BLMH: variants seen among roughly 807,000 people sequenced by gnomAD.
BLMH encodes the protein bleomycin hydrolase.
Under a neutral mutation model 61.6 loss-of-function variants are expected in BLMH, and 32 were observed. The ratio of observed to expected loss-of-function variants is 0.52; its 90% CI spans 0.39 to 0.70. The LOEUF is 0.70. Among genes scored for constraint, BLMH ranks in the 30% least tolerant of loss-of-function variants. BLMH has a pLI of 0.00. For synonymous variants in BLMH, 183 were observed against 193.8 expected (o/e 0.94, Z 0.46); for missense variants, 460 against 555.5 (o/e 0.83, Z 1.73).
intron 11 of BLMH, among the ~76,000 whole-genome samples, chr17:30,251,916 T>A (rs1907676550): frequency 6.6e-6 from 1 of 152,120 alleles, no homozygotes; most frequent in African/African-American, 2.4e-5. Context: ...AAAATAAGTA[T>A]GAAAAATGAA....
intron 2 of BLMH, 87 bp downstream of exon 2, chr17:30,291,224 G>A (rs1344217287): frequency 6.8e-7 from 1 of 1,473,178 alleles, no homozygotes; most frequent in Admixed American, 1.8e-5. Context: ...CTTTCAGTAC[G>A]AATTTAAGAC....
intron 11 of BLMH, among the ~76,000 whole-genome samples, chr17:30,260,462 C>A (rs143498983): frequency 2.0e-5 from 3 of 152,212 alleles, no homozygotes. Flanking sequence ...CTCTTAGTCA[C>A]ACACTTTGAT....
chr17:30,273,165 A>AT (rs35833844), intron 7 of BLMH: 10,298 of 193,386 alleles, frequency 0.053, 84 homozygotes, highest in South Asian at 0.068. Flanking sequence ...TCCAAAAGCA[A>AT]TTTTTTTTTT....
In BLMH at chr17:30,266,859, A is replaced by C. The variant is rs570091840; in HGVS notation, c.1216+26T>G. On this transcript the variant is annotated intron_variant, in intron 11 of 11. Transcript: ENST00000261714. ...GAGTAGAGCAGGCCCAGTCACCTGG[A>C]GTTAGTATTACCAAACTGAGCTCAC... 9 of 1,606,174 alleles carry C rather than the reference A, an allele frequency of 5.6e-6. No individual in the cohort carries two copies. In the Admixed American group the frequency reaches 1.5e-4, roughly 27 times the overall value.
chr17:30,284,182 A>AT (rs1908665799), intron 6 of BLMH, among the ~76,000 whole-genome samples: 1 of 152,234 alleles, frequency 6.6e-6, no homozygotes, highest in African/African-American at 2.4e-5. Flanking sequence ...GATTATTTAA[A>AT]TGCATTTGGT....
intron 3 of BLMH, 43 bp from the exon 4 acceptor site, chr17:30,287,990 G>A: frequency 1.3e-6 from 2 of 1,559,126 alleles, no homozygotes; most frequent in South Asian, 1.2e-5. Flanking sequence ...AGAAAAAAGT[G>A]TCAATAATTT....
At chr17:30,271,103 T>A (rs1908256119) in intron 10 of BLMH, among the ~76,000 whole-genome samples, 168 bp downstream of exon 10, 1 of 152,212 alleles carries the variant, frequency 6.6e-6, no homozygotes, top group South Asian at 2.1e-4. Flanking sequence ...ATATTACCTC[T>A]AAGCACGCAG....
intron 11 of BLMH, among the ~76,000 whole-genome samples, chr17:30,251,469 C>T (rs1232103332): frequency 6.6e-6 from 1 of 152,206 alleles, no homozygotes; most frequent in Non-Finnish European, 1.5e-5. Flanking sequence ...CAAGGGCTCC[C>T]GGACTAGCAA....
intron 11 of BLMH, among the ~76,000 whole-genome samples, chr17:30,266,622 C>G (rs887606901): frequency 6.6e-6 from 1 of 152,106 alleles, no homozygotes; most frequent in African/African-American, 2.4e-5. Context: ...ACTAGCCAAG[C>G]GGTCTACAAA....
At chr17:30,266,205 G>T (rs1235656975) in intron 11 of BLMH, among the ~76,000 whole-genome samples, 2 of 152,136 alleles carry the variant, frequency 1.3e-5, no homozygotes, top group African/African-American at 4.8e-5. Context: ...GAAGGCTTCT[G>T]ACTTTCTAGA....
intron 7 of BLMH, chr17:30,273,579 G>A (rs1597663206): frequency 6.0e-6 from 1 of 166,802 alleles, no homozygotes; most frequent in Non-Finnish European, 1.3e-5. Context: ...AGAGGATCAA[G>A]AAGCCAATAA....
At chr17:30,281,322 G>A (rs1908582992) in intron 6 of BLMH, among the ~76,000 whole-genome samples, 1 of 151,808 alleles carries the variant, frequency 6.6e-6, no homozygotes, top group African/African-American at 2.4e-5. Flanking sequence ...AAACAGAAAT[G>A]CGGACTATCT....
At chr17:30,254,091 T>A (rs1038037705) in intron 11 of BLMH, among the ~76,000 whole-genome samples, 1 of 152,192 alleles carries the variant, frequency 6.6e-6, no homozygotes, top group African/African-American at 2.4e-5. Context: ...AATGTAAGAT[T>A]TAAGCCTTTC....
In BLMH at chr17:30,285,408, G is replaced by C; in HGVS notation, c.625C>G (p.Gln209Glu). The C allele has an allele frequency of 6.8e-6, 11 of 1,611,908 alleles. No homozygotes were observed. The highest frequency in any genetic ancestry group is 9.3e-6 in the Non-Finnish European group (11 of 1,178,956). ...GATKGEISAT[Q>E]DVMMEEIFRV... Reference sequence around the variant, plus strand: ...ATTACCTCCTCCATCATGACGTCCTGTGTGGCCGAGATTTCTCCTTTGGTT... The same window carrying C: ...ATTACCTCCTCCATCATGACGTCCTCTGTGGCCGAGATTTCTCCTTTGGTT... The change falls in exon 6 of 12, where the codon CAG (glutamine) becomes GAG (glutamate). Residue 209 changes from glutamine to glutamate, a missense_variant. Physicochemically the swap from Gln to Glu is conservative, Grantham distance 29. Around this residue, in one of 5 missense-constraint regions of BLMH, gnomAD observed 310 missense variants for 371.1 expected, o/e 0.84. Coordinates refer to ENST00000261714, the MANE Select transcript of BLMH (RefSeq NM_000386.4).
At chr17:30,284,442 C>G (rs1314854262) in intron 6 of BLMH, among the ~76,000 whole-genome samples, 1 of 152,110 alleles carries the variant, frequency 6.6e-6, no homozygotes, top group Non-Finnish European at 1.5e-5. Flanking sequence ...TTTTCCATCG[C>G]AGTGAAAAAA....
chr17:30,266,266 A>T (rs1054420523), intron 11 of BLMH, among the ~76,000 whole-genome samples: 1 of 152,034 alleles, frequency 6.6e-6, no homozygotes, highest in African/African-American at 2.4e-5. Context: ...AGTGGCTCAC[A>T]CCTGTAATCC....
intron 10 of BLMH, 36 bp from the exon 11 acceptor site, chr17:30,266,990 C>T (rs1908130760): frequency 6.3e-7 from 1 of 1,587,300 alleles, no homozygotes; most frequent in Non-Finnish European, 8.7e-7. Context: ...TAGTCTGAAG[C>T]CAGATTCTCC....
intron 10 of BLMH, among the ~76,000 whole-genome samples, chr17:30,270,772 T>C (rs1185393940): frequency 6.6e-6 from 1 of 152,216 alleles, no homozygotes; most frequent in African/African-American, 2.4e-5. Context: ...ACACACTATT[T>C]CACAGGAAAT....
chr17:30,291,549 G>C (rs922906421), intron 1 of BLMH, 41 bp from the exon 2 acceptor site: 3 of 1,604,752 alleles, frequency 1.9e-6, no homozygotes, highest in Admixed American at 1.7e-5. Flanking sequence ...AAAAAGAGGG[G>C]GAAAGGGCTG....
Sources: gnomAD v4.1 joint callset for allele counts (sites outside exome capture counted in the v4.1 genomes callset) on GRCh38, gnomAD v4.1.1 for gene constraint, gnomAD v4.1.1 regional missense constraint, MANE v1.5 for transcripts, NCBI Gene and HGNC (gene_info 2026-07-23, HGNC 2026-07-21) for gene names.